Variants in HNMT observed in about 807,000 individuals in gnomAD.
HNMT encodes histamine N-methyltransferase.
HNMT carries 30 observed loss-of-function variants against 32.1 expected under a neutral mutation model. The ratio of observed to expected loss-of-function variants is 0.93; its 90% CI spans 0.70 to 1.27. The LOEUF (loss-of-function observed/expected upper bound fraction) is 1.27, where lower values mean the gene tolerates loss of function less well. Among genes scored for constraint, HNMT ranks in the 50% most tolerant of loss-of-function variants. The probability of loss-of-function intolerance (pLI) is 0.00; values close to 1 mark genes in which losing one functional copy is unlikely to be tolerated. For missense variants in HNMT, 327 were observed against 346.0 expected, an observed-to-expected ratio of 0.95 and a Z score of 0.43; for synonymous variants, 125 against 119.0, an observed-to-expected ratio of 1.05 and a Z score of -0.33.
chr2:137,979,209 C>T (rs1340070861), intron 2 of HNMT, among the ~76,000 whole-genome samples: 1 of 148,472 alleles, frequency 6.7e-6, no homozygotes, highest in African/African-American at 2.5e-5. Context: ...TATATATTTC[C>T]ATATATAAAG....
chr2:138,005,601 TAATA>T (rs1681308787), intron 5 of HNMT, among the ~76,000 whole-genome samples: 1 of 152,096 alleles, frequency 6.6e-6, no homozygotes, highest in African/African-American at 2.4e-5. Context: ...TGATGTTTAT[TAATA>T]AATAAAGGTT....
chr2:138,012,575 T>A (rs1156370), intron 5 of HNMT, among the ~76,000 whole-genome samples: 1 of 151,948 alleles, frequency 6.6e-6, no homozygotes, highest in Non-Finnish European at 1.5e-5. Flanking sequence ...TTTTCACTGT[T>A]AAAGATTCTT....
At chr2:138,001,143 GAGA>G in intron 3 of HNMT, 118 bp downstream of exon 3, 1 of 523,892 alleles carries the variant, frequency 1.9e-6, no homozygotes, top group Non-Finnish European at 3.4e-6. Context: ...AGCTTATTGG[GAGA>G]AGAACTGAAT....
chr2:138,005,208 T>G lies in HNMT; in HGVS notation c.506T>G (p.Leu169Arg). The change falls in exon 5 of 6, where the codon CTC becomes CGC. Residue 169 changes from leucine to arginine, a missense_variant. By Grantham distance (102) the Leu-to-Arg change is moderately radical. Transcript: ENST00000280097. ...CTCTTAGGTACCAATGCTAAGATGC[T>G]CATTATTGTTGTGTCAGGTAAGTTA... ...HSLLGTNAKM[L>R]IIVVSGSSGW... 1 of 1,591,154 alleles carries G rather than the reference T, an allele frequency of 6.3e-7. No individual in the cohort carries two copies. Among genetic ancestry groups the G allele is most frequent in the Non-Finnish European group, 8.6e-7 (1 of 1,159,986 alleles).
intron 1 of HNMT, among the ~76,000 whole-genome samples, chr2:137,968,169 C>T (rs1167203396): frequency 3.3e-5 from 5 of 151,906 alleles, no homozygotes; most frequent in Admixed American, 2.6e-4. Context: ...TGGGGCAGGG[C>T]TTGGGGGCAG....
At chr2:137,970,944 AGAAAGAAAG>A in intron 2 of HNMT, among the ~76,000 whole-genome samples, 1 of 27,074 alleles carries the variant, frequency 3.7e-5, no homozygotes, top group African/African-American at 1.6e-4. Context: ...AAAGAAAGAA[AGAAAGAAAG>A]AAAGAAAGAA....
chr2:137,990,876 A>C (rs13433021), intron 2 of HNMT, among the ~76,000 whole-genome samples: 1 of 152,014 alleles, frequency 6.6e-6, no homozygotes, highest in Non-Finnish European at 1.5e-5. Flanking sequence ...ATTCAATTCA[A>C]TTCTGATGCT....
At chr2:137,986,209 G>C (rs1485963272) in intron 2 of HNMT, among the ~76,000 whole-genome samples, 1 of 150,542 alleles carries the variant, frequency 6.6e-6, no homozygotes, top group African/African-American at 2.4e-5. Context: ...TAATTAGTCA[G>C]GGTTCTCTAG....
chr2:137,973,785 G>C (rs956213296), intron 2 of HNMT, among the ~76,000 whole-genome samples: 1 of 151,950 alleles, frequency 6.6e-6, no homozygotes, highest in Non-Finnish European at 1.5e-5. Context: ...TTTTTGGGGG[G>C]GGGTGGTCTA....
intron 5 of HNMT, among the ~76,000 whole-genome samples, chr2:138,006,267 A>T (rs954808305): frequency 6.6e-6 from 1 of 152,020 alleles, no homozygotes; most frequent in Admixed American, 6.6e-5. Context: ...AGCACTATAA[A>T]CTGCATTTAG....
intron 2 of HNMT, among the ~76,000 whole-genome samples, chr2:137,995,375 A>C (rs1308627896): frequency 6.6e-6 from 1 of 152,200 alleles, no homozygotes; most frequent in Admixed American, 6.5e-5. Context: ...CCATCAGAGA[A>C]TACTATAAAC....
intron 5 of HNMT, among the ~76,000 whole-genome samples, chr2:138,007,237 T>C (rs1398429672): frequency 6.6e-6 from 1 of 152,062 alleles, no homozygotes; most frequent in Non-Finnish European, 1.5e-5. Context: ...GATATTTTAT[T>C]TGGGGCTTTC....
intron 2 of HNMT, among the ~76,000 whole-genome samples, chr2:137,990,883 T>C (rs975763876): frequency 6.6e-6 from 1 of 152,124 alleles, no homozygotes; most frequent in Non-Finnish European, 1.5e-5. Flanking sequence ...TCAATTCTGA[T>C]GCTGTCTCCC....
chr2:137,978,593 C>T lies in HNMT; in HGVS notation c.190+8376C>T, dbSNP rs1318685184. 2.2e-5 allele frequency among the ~76,000 whole-genome samples: 3 copies of T among 135,222 alleles called. No individual in the cohort carries two copies. The South Asian group carries it at 7.0e-4, about 32-fold the overall frequency. 88.7% of individuals were successfully genotyped at this position (135,222 alleles called of 152,430 possible). A position where few individuals can be genotyped will look rare whatever the true frequency, so the allele number is the denominator to read the frequency against. On this transcript the variant is annotated intron_variant, in intron 2 of 5. Transcript: ENST00000280097. ...TATGACTAGATAATATAGTATTATA[C>T]AATACATATGATATAATATAGTATT...
At position 138,014,329 on chromosome 2, in the gene HNMT, T is replaced by C; in HGVS notation, c.*199T>C. 2 of 464,392 alleles carry C rather than the reference T, an allele frequency of 4.3e-6. No homozygotes were observed. The highest frequency in any genetic ancestry group is 7.6e-6 in the Non-Finnish European group (2 of 262,648). The allele number at this position is 464,392 out of a possible 1,614,324, so 28.8% of individuals were successfully genotyped here. On this transcript the variant is annotated 3_prime_UTR_variant, in exon 6 of 6. Coordinates refer to ENST00000280097, the MANE Select transcript of HNMT (RefSeq NM_006895.3). Reference sequence around the variant, plus strand: ...ACTGCTGGTCTTATCCTGTCCCTCCTCCAGGTAGAGAGACCACAAGCAGGC... The same window carrying C: ...ACTGCTGGTCTTATCCTGTCCCTCCCCCAGGTAGAGAGACCACAAGCAGGC...
intron 2 of HNMT, among the ~76,000 whole-genome samples, chr2:137,985,464 G>T (rs1056762774): frequency 3.3e-5 from 5 of 152,116 alleles, no homozygotes; most frequent in Non-Finnish European, 7.4e-5. Flanking sequence ...AAATGTAACA[G>T]CAGAGCACCT....
At chr2:138,001,965 G>C (rs1325912316) in intron 3 of HNMT, 99 bp from the exon 4 acceptor site, 5 of 885,854 alleles carry the variant, frequency 5.6e-6, no homozygotes, top group African/African-American at 1.7e-5. Context: ...CTTTCTATCT[G>C]TTTGTATATA....
intron 2 of HNMT, among the ~76,000 whole-genome samples, chr2:137,979,503 T>C (rs1462789991): frequency 1.3e-5 from 2 of 151,872 alleles, no homozygotes; most frequent in East Asian, 3.9e-4. Flanking sequence ...CCACCCACCT[T>C]GGCCTCCCAA....
intron 2 of HNMT, among the ~76,000 whole-genome samples, chr2:137,998,596 G>A (rs1394151405): frequency 4.6e-5 from 7 of 152,198 alleles, no homozygotes; most frequent in Admixed American, 6.5e-5. Context: ...TTATACTCTA[G>A]AGGCTGTTAT....
Sources: gnomAD v4.1 joint callset for allele counts (sites outside exome capture counted in the v4.1 genomes callset) on GRCh38, gnomAD v4.1.1 for gene constraint, MANE v1.5 for transcripts, NCBI Gene and HGNC (gene_info 2026-07-23, HGNC 2026-07-21) for gene names.